The following PDLIM5 variants were observed in gnomAD, a reference collection of about 807,000 sequenced individuals.
The protein encoded by PDLIM5 is PDZ and LIM domain 5.
Under a neutral mutation model 64.2 loss-of-function variants are expected in PDLIM5, and 34 were observed. The observed-to-expected ratio is 0.53, with a 90% CI of 0.40 to 0.71. The LOEUF (loss-of-function observed/expected upper bound fraction) is 0.71, where lower values mean the gene tolerates loss of function less well. PDLIM5 is among the 30% of genes least tolerant of loss of function. The probability of loss-of-function intolerance (pLI) is 0.00; values close to 1 mark genes in which losing one functional copy is unlikely to be tolerated. For missense variants in PDLIM5, 683 were observed against 733.6 expected (o/e 0.93, Z 0.80); for synonymous variants, 253 against 269.1 (o/e 0.94, Z 0.59).
intron 2 of PDLIM5, among the ~76,000 whole-genome samples, chr4:94,472,540 T>A (rs772556830): frequency 5.3e-5 from 8 of 152,188 alleles, no homozygotes; most frequent in Non-Finnish European, 7.4e-5. Flanking sequence ...GTAGACTAGA[T>A]GAACTAAGCA....
rs1740893059 is a variant in PDLIM5 at position 94,640,280 on chromosome 4, T to G, written c.1113T>G (p.Pro371=). The G allele has an allele frequency of 6.3e-7, 1 of 1,592,642 alleles. No individual in the cohort carries two copies. Among genetic ancestry groups the G allele is most frequent in the Non-Finnish European group, 8.6e-7 (1 of 1,162,962 alleles). Residue 371 remains proline (P), a synonymous_variant, in exon 9 of 13, where the codon CCT becomes CCG. Coordinates refer to ENST00000317968, the MANE Select transcript of PDLIM5 (RefSeq NM_006457.5). ...PSWQRPNQGV[P]STGRISNSAT... is the part of the protein sequence containing the mutation. Reference sequence around the variant, plus strand: ...TTCTTCTGTTTTAACTCCTAGTACCTTCCACTGGAAGAATCTCAAACAGCG... The same window carrying G: ...TTCTTCTGTTTTAACTCCTAGTACCGTCCACTGGAAGAATCTCAAACAGCG...
intron 7 of PDLIM5, among the ~76,000 whole-genome samples, chr4:94,612,339 A>G (rs919179120): frequency 1.3e-5 from 2 of 152,206 alleles, no homozygotes; most frequent in African/African-American, 4.8e-5. Context: ...ATTTTTCTCT[A>G]AGAGAAGACA....
chr4:94,644,600 A>C (rs1013400469), intron 9 of PDLIM5, among the ~76,000 whole-genome samples: 1 of 150,158 alleles, frequency 6.7e-6, no homozygotes, highest in African/African-American at 2.5e-5. Flanking sequence ...ATCTCGGCTC[A>C]CTGCAACCTC....
intron 2 of PDLIM5, among the ~76,000 whole-genome samples, chr4:94,508,684 T>A (rs1381050543): frequency 6.6e-6 from 1 of 152,222 alleles, no homozygotes; most frequent in African/African-American, 2.4e-5. Context: ...CAATCTGTTA[T>A]AAAGAATAAA....
At chr4:94,453,707 T>C (rs1363001322) in intron 1 of PDLIM5, among the ~76,000 whole-genome samples, 2 of 151,356 alleles carry the variant, frequency 1.3e-5, no homozygotes, top group South Asian at 2.1e-4. Context: ...TCTGAAAATC[T>C]CCTCCTTTTA....
Position 94,657,522 on chromosome 4 carries a change from G to GCC in PDLIM5, c.1560_1561insCC (p.Asp521ProfsTer26). 6.2e-7 allele frequency: 1 copy of GCC among 1,611,348 alleles called. No homozygotes were observed. The highest frequency in any genetic ancestry group is 8.5e-7 in the Non-Finnish European group (1 of 1,177,648). ...TTCGGAACAATGTTTTTCACTTGGAGGATGGTGAACCCTACTGTGAGACTG... is the reference window on the plus strand; with the variant it reads ...TTCGGAACAATGTTTTTCACTTGGAGCCGATGGTGAACCCTACTGTGAGACTG... On this transcript the variant is annotated frameshift_variant, in exon 11 of 13. Coordinates refer to ENST00000317968, the MANE Select transcript of PDLIM5 (RefSeq NM_006457.5). LOFTEE classifies it high-confidence loss of function.
chr4:94,637,224 G>C (rs1314978931), intron 8 of PDLIM5, among the ~76,000 whole-genome samples: 2 of 152,086 alleles, frequency 1.3e-5, no homozygotes, highest in Non-Finnish European at 2.9e-5. Flanking sequence ...TAAAAAAGTG[G>C]TACTAATAAC....
At chr4:94,640,500 G>GTTTTT in intron 9 of PDLIM5, 50 bp downstream of exon 9, 8 of 751,186 alleles carry the variant, frequency 1.1e-5, no homozygotes, top group South Asian at 2.2e-5. Context: ...TCAATGTTGG[G>GTTTTT]TTTTTTTTTT....
At chr4:94,547,541 G>A (rs1202947464) in intron 3 of PDLIM5, among the ~76,000 whole-genome samples, 1 of 152,108 alleles carries the variant, frequency 6.6e-6, no homozygotes, top group Non-Finnish European at 1.5e-5. Context: ...CTAATTAGCA[G>A]CCTTAATTCC....
intron 3 of PDLIM5, among the ~76,000 whole-genome samples, chr4:94,547,128 C>T (rs2110200305): frequency 6.6e-6 from 1 of 152,106 alleles, no homozygotes; most frequent in South Asian, 2.1e-4. Context: ...TAAAAGTTTT[C>T]CAAAAATTAT....
chr4:94,623,056 T>C (rs944673323), intron 8 of PDLIM5, among the ~76,000 whole-genome samples: 4 of 152,202 alleles, frequency 2.6e-5, no homozygotes, highest in African/African-American at 9.6e-5. Flanking sequence ...AGGCTGCAGA[T>C]ACTTAGAGGA....
intron 2 of PDLIM5, among the ~76,000 whole-genome samples, chr4:94,475,410 T>G (rs766065313): frequency 4.6e-5 from 7 of 152,198 alleles, no homozygotes; most frequent in Admixed American, 6.5e-5. Context: ...GGTCTTACAT[T>G]TGGTTTTTAG....
chr4:94,615,956 C>G (rs1209633360), intron 7 of PDLIM5, among the ~76,000 whole-genome samples: 1 of 152,148 alleles, frequency 6.6e-6, no homozygotes, highest in African/African-American at 2.4e-5. Context: ...TTACCAGTTC[C>G]TTCACCCAAA....
chr4:94,653,200 A>G (rs911877701), intron 9 of PDLIM5, among the ~76,000 whole-genome samples: 2 of 152,060 alleles, frequency 1.3e-5, no homozygotes, highest in Non-Finnish European at 2.9e-5. Flanking sequence ...AAATCAGGAA[A>G]TTCAACTTCT....
At chr4:94,522,173 A>G (rs1162644128) in intron 2 of PDLIM5, among the ~76,000 whole-genome samples, 1 of 152,176 alleles carries the variant, frequency 6.6e-6, no homozygotes, top group Non-Finnish European at 1.5e-5. Context: ...AATAGCTAAC[A>G]TTTATTCAAC....
intron 7 of PDLIM5, among the ~76,000 whole-genome samples, chr4:94,615,112 A>G (rs1240218712): frequency 6.6e-6 from 1 of 152,210 alleles, no homozygotes; most frequent in African/African-American, 2.4e-5. Flanking sequence ...TTTAATTCTT[A>G]ACAGTAATCT....
At chr4:94,462,087 A>C (rs1261611938) in intron 2 of PDLIM5, among the ~76,000 whole-genome samples, 2 of 152,082 alleles carry the variant, frequency 1.3e-5, no homozygotes, top group Non-Finnish European at 1.5e-5. Flanking sequence ...TCTGGTCTCG[A>C]ACTCCTGACC....
intron 5 of PDLIM5, chr4:94,577,215 C>A (rs1360453217): frequency 4.4e-6 from 2 of 457,024 alleles, no homozygotes; most frequent in African/African-American, 2.0e-5. Flanking sequence ...AATGCCAGTT[C>A]CCAGGAAAAT....
chr4:94,625,524 C>T (rs1739605506), intron 8 of PDLIM5, among the ~76,000 whole-genome samples: 1 of 150,936 alleles, frequency 6.6e-6, no homozygotes, highest in South Asian at 2.1e-4. Flanking sequence ...GCTATTTAGG[C>T]TCACTGCAAG....
Sources: allele counts gnomAD v4.1 joint callset (sites outside exome capture counted in the v4.1 genomes callset), GRCh38; gene constraint gnomAD v4.1.1; transcripts MANE v1.5; gene names NCBI Gene and HGNC (gene_info 2026-07-23, HGNC 2026-07-21).